The following ADGRD1 variants were observed in gnomAD, a reference collection of about 807,000 sequenced individuals.
ADGRD1 encodes G-protein coupled receptor 133.
In ADGRD1, 77 loss-of-function variants were observed where a neutral mutation model predicts 113.4. The ratio of observed to expected loss-of-function variants is 0.68; its 90% CI spans 0.57 to 0.82. ADGRD1 has a LOEUF of 0.82. ADGRD1 is among the 40% of genes least tolerant of loss of function. The pLI is 0.00. For synonymous variants in ADGRD1, 474 were observed against 475.0 expected, an observed-to-expected ratio of 1.00 and a Z score of 0.03; for missense variants, 1,036 against 1,139.1, an observed-to-expected ratio of 0.91 and a Z score of 1.30.
In ADGRD1 at chr12:130,981,983, G is replaced by T; in HGVS notation, c.410G>T (p.Cys137Phe). 6.2e-7 allele frequency: 1 copy of T among 1,613,956 alleles called. No individual in the cohort carries two copies. Among genetic ancestry groups the T allele is most frequent in the Non-Finnish European group, 8.5e-7 (1 of 1,179,848 alleles). Residue 137 changes from cysteine (C) to phenylalanine (F), a missense_variant, in exon 5 of 25, where the codon TGC becomes TTC. Transcript: ENST00000261654. ...GQVISNGFKV[C>F]SSGGRGSVEL... The stretch of plus-strand genomic sequence containing the variant: ...GTCATCTCCAATGGGTTCAAAGTCT[G>T]CTCCAGCGGTGGCAGAGGCTCTGTG...
chr12:131,117,359 A>G (rs1950491068), intron 18 of ADGRD1, among the ~76,000 whole-genome samples: 1 of 152,252 alleles, frequency 6.6e-6, no homozygotes, highest in Admixed American at 6.5e-5. Flanking sequence ...TCATATAACA[A>G]AAAAGTTCTA....
At chr12:130,985,016 C>T (rs1282909063) in intron 5 of ADGRD1, among the ~76,000 whole-genome samples, 1 of 151,780 alleles carries the variant, frequency 6.6e-6, no homozygotes, top group Non-Finnish European at 1.5e-5. Flanking sequence ...CTTACTGCAG[C>T]GTTTAACTCC....
intron 12 of ADGRD1, among the ~76,000 whole-genome samples, chr12:131,006,748 G>A (rs1193598032): frequency 1.3e-5 from 2 of 152,142 alleles, no homozygotes; most frequent in African/African-American, 2.4e-5. Flanking sequence ...GAGGAATGTA[G>A]TCCTAAATTT....
At position 131,060,352 on chromosome 12, in the gene ADGRD1, C is replaced by A. The variant is rs6486624; in HGVS notation, c.1474-16449C>A. ...ACTGCCTGTCTAGGTGGCCCCTTTC[C>A]TGGTCCTCTGTGGTTACTGGACATA... is the stretch of plus-strand genomic sequence containing the variant. On this transcript the variant is annotated intron_variant, in intron 13 of 24. Coordinates refer to ENST00000261654, the MANE Select transcript of ADGRD1 (RefSeq NM_198827.5). This position sits in a 1 kb window ranked among gnomAD's most constrained non-coding sequence, Gnocchi z 4.4. 4.6e-5 allele frequency among the ~76,000 whole-genome samples: 7 copies of A among 152,210 alleles called. No individual in the cohort carries two copies. Among genetic ancestry groups the A allele is most frequent in the Non-Finnish European group, 8.8e-5 (6 of 68,026 alleles).
chr12:131,046,874 G>T (rs1239403822), intron 13 of ADGRD1, among the ~76,000 whole-genome samples: 1 of 112,550 alleles, frequency 8.9e-6, no homozygotes, highest in African/African-American at 3.5e-5. Context: ...TGTCCTCCCT[G>T]GTCAGTGCTC....
rs529404381 is a variant in ADGRD1 at position 131,105,849 on chromosome 12, G to T, written c.1871G>T (p.Arg624Leu). 4 of 1,598,870 alleles carry T rather than the reference G, an allele frequency of 2.5e-6. No individual in the cohort carries two copies. Among genetic ancestry groups the T allele is most frequent in the East Asian group, 4.5e-5 (2 of 44,852 alleles). The change falls in exon 17 of 25, where the codon CGC becomes CTC. Residue 624 changes from arginine (R) to leucine (L), a missense_variant. Coordinates refer to ENST00000261654, the MANE Select transcript of ADGRD1 (RefSeq NM_198827.5). Reference sequence around the variant, plus strand: ...CAGGTCCTGCTGCTCATTAGTTTCCGCCTCGAGCCGGGCACGGTGAGTGGG... The same window carrying T: ...CAGGTCCTGCTGCTCATTAGTTTCCTCCTCGAGCCGGGCACGGTGAGTGGG... The part of the protein sequence containing the change: ...VAQVLLLISF[R>L]LEPGTTPCQV...
At chr12:131,067,093 G>A (rs956311664) in intron 13 of ADGRD1, among the ~76,000 whole-genome samples, 1 of 152,082 alleles carries the variant, frequency 6.6e-6, no homozygotes, top group African/African-American at 2.4e-5. Context: ...GGGGCTTGCT[G>A]ACAGGGTCAA....
intron 18 of ADGRD1, among the ~76,000 whole-genome samples, chr12:131,116,669 C>T (rs906508864): frequency 5.9e-5 from 9 of 152,232 alleles, no homozygotes; most frequent in Non-Finnish European, 8.8e-5. Flanking sequence ...TTCCATCCCC[C>T]ACCCTGCTAT....
chr12:131,043,143 A>C (rs534860319), intron 13 of ADGRD1, among the ~76,000 whole-genome samples: 1 of 152,178 alleles, frequency 6.6e-6, no homozygotes, highest in South Asian at 2.1e-4. Context: ...TGGGAGCGAG[A>C]CAGGCCAGGG....
intron 2 of ADGRD1, among the ~76,000 whole-genome samples, chr12:130,961,415 C>T (rs1297187745): frequency 6.6e-6 from 1 of 152,086 alleles, no homozygotes; most frequent in Non-Finnish European, 1.5e-5. Context: ...CTCTCTCTCT[C>T]TCGTTCTTTC....
chr12:131,034,839 C>T (rs1281614242), intron 13 of ADGRD1, among the ~76,000 whole-genome samples: 4 of 152,198 alleles, frequency 2.6e-5, no homozygotes, highest in Non-Finnish European at 4.4e-5. Context: ...CCGGCTCCCG[C>T]TCCTTAGCCT....
At chr12:130,963,997 A>C (rs539341846) in intron 2 of ADGRD1, among the ~76,000 whole-genome samples, 2 of 152,280 alleles carry the variant, frequency 1.3e-5, no homozygotes, top group South Asian at 4.1e-4. Context: ...ATTGTTGTTT[A>C]ATATACTTTT....
intron 12 of ADGRD1, among the ~76,000 whole-genome samples, chr12:131,008,686 G>C (rs942200824): frequency 6.6e-6 from 1 of 152,188 alleles, no homozygotes; most frequent in African/African-American, 2.4e-5. Context: ...GCCTGGCCCC[G>C]CAATGATGGA....
In ADGRD1 at chr12:130,964,206, A is replaced by AACAC. The variant is rs1354874610; in HGVS notation, c.104-2257_104-2256insACAC. ...TTCTGTAATATGTATTATATAATACATATTATATAATATGCACAGAAAACT... is the reference window on the plus strand; with the variant it reads ...TTCTGTAATATGTATTATATAATACAACACTATTATATAATATGCACAGAAAACT... On this transcript the variant is annotated intron_variant, in intron 2 of 24. Transcript: ENST00000261654. Among the ~76,000 whole-genome samples the AACAC allele has an allele frequency of 2.0e-3, 299 of 152,066 alleles. 1 individual carries two copies. Among genetic ancestry groups the AACAC allele is most frequent in the African/African-American group, 6.9e-3 (288 of 41,508 alleles).
At chr12:130,983,522 G>C (rs1319312204) in intron 5 of ADGRD1, among the ~76,000 whole-genome samples, 3 of 152,152 alleles carry the variant, frequency 2.0e-5, no homozygotes, top group African/African-American at 7.2e-5. Flanking sequence ...GCATCCATTA[G>C]GTTCTTTGAC....
In ADGRD1 at chr12:131,076,702, A is replaced by C. The variant is rs1566087544; in HGVS notation, c.1474-99A>C. ...CAGTGGCTATGCCTGTCCCTACCTG[A>C]GGTCGCCCAGCTGTAAGGGTCTCGC... is the stretch of plus-strand genomic sequence containing the variant. On this transcript the variant is annotated intron_variant, in intron 13 of 24. Coordinates refer to ENST00000261654, the MANE Select transcript of ADGRD1 (RefSeq NM_198827.5). 3 of 966,088 alleles carry C rather than the reference A, an allele frequency of 3.1e-6. No individual in the cohort carries two copies. In the East Asian group the frequency reaches 7.2e-5, roughly 23 times the overall value. The allele number at this position is 966,088 out of a possible 1,614,324, so 59.8% of individuals were successfully genotyped here. A position where few individuals can be genotyped will look rare whatever the true frequency, so the allele number is the denominator to read the frequency against.
chr12:131,025,389 C>T (rs1012080916), intron 13 of ADGRD1, among the ~76,000 whole-genome samples: 1 of 152,160 alleles, frequency 6.6e-6, no homozygotes, highest in Non-Finnish European at 1.5e-5. Context: ...CCCCTGGCGG[C>T]ACTCTGTCAC....
chr12:130,995,805 G>A (rs1413585525), intron 8 of ADGRD1, among the ~76,000 whole-genome samples: 2 of 144,792 alleles, frequency 1.4e-5, no homozygotes, highest in East Asian at 2.0e-4. Flanking sequence ...GGTGTTTCTC[G>A]CAGAGGGGGA....
chr12:131,004,294 A>G lies in ADGRD1; in HGVS notation c.1253A>G (p.His418Arg), dbSNP rs1876807266. 6.2e-7 allele frequency: 1 copy of G among 1,606,560 alleles called. No homozygotes were observed. The highest frequency in any genetic ancestry group is 1.3e-5 in the African/African-American group (1 of 74,614). ...ATCCCCCACGAGGCCTTCCACAGGC[A>G]CGGTGAGTGTGGCTGCGCTGGACTC... ...IQIPHEAFHR[H>R]AWSTVVGLLY... is the part of the protein sequence containing the mutation. Residue 418 changes from histidine (H) to arginine (R), a missense_variant and splice_region_variant, in exon 11 of 25, where the codon CAC becomes CGC. His to Arg is a conservative substitution (Grantham distance 29). Coordinates refer to ENST00000261654, the MANE Select transcript of ADGRD1 (RefSeq NM_198827.5).
Sources: allele counts gnomAD v4.1 joint callset (sites outside exome capture counted in the v4.1 genomes callset), GRCh38; gene constraint gnomAD v4.1.1; non-coding constraint Gnocchi (gnomAD v3.1); transcripts MANE v1.5; gene names NCBI Gene and HGNC (gene_info 2026-07-23, HGNC 2026-07-21).